The following DORIP1 variants were observed in gnomAD, a reference collection of about 807,000 sequenced individuals.
DORIP1 encodes dopamine receptor-interacting protein 1.
At chr14:44,899,063 T>G in the DORIP1 span, 1 of 152,194 alleles carries the variant, frequency 6.6e-6, no homozygotes, top group Non-Finnish European at 1.5e-5. Flanking sequence ...ACAATACTTC[T>G]CCATAAAAGT....
the DORIP1 span, chr14:44,897,310 C>G: frequency 6.5e-6 from 1 of 153,144 alleles, no homozygotes; most frequent in African/African-American, 2.4e-5. Flanking sequence ...TAATAAGAAG[C>G]GACGTGTCCC....
chr14:44,905,664 A>C, the DORIP1 span: 5 of 714,076 alleles, frequency 7.0e-6, no homozygotes, highest in Middle Eastern at 1.1e-3. Flanking sequence ...TACTAGTTTC[A>C]GAAGTGTATT....
the DORIP1 span, among the ~76,000 whole-genome samples, chr14:44,902,098 C>T: frequency 6.6e-6 from 1 of 152,216 alleles, no homozygotes. Context: ...GTTAAACTTA[C>T]ATTTCTCTGA....
the DORIP1 span, chr14:44,904,381 G>A: frequency 1.9e-6 from 3 of 1,607,076 alleles, no homozygotes; most frequent in Admixed American, 1.7e-5. Context: ...GTTCATGCCT[G>A]TTTTCTATTT....
chr14:44,899,062 C>A, the DORIP1 span: 1 of 152,152 alleles, frequency 6.6e-6, no homozygotes, highest in Non-Finnish European at 1.5e-5. Context: ...AACAATACTT[C>A]TCCATAAAAG....
chr14:44,900,275 G>A, the DORIP1 span: 19 of 544,766 alleles, frequency 3.5e-5, no homozygotes, highest in African/African-American at 2.6e-4. Flanking sequence ...TGCATAGTGC[G>A]CGAAAAGTGG....
the DORIP1 span, among the ~76,000 whole-genome samples, chr14:44,901,829 G>C: frequency 6.6e-6 from 1 of 152,220 alleles, no homozygotes; most frequent in African/African-American, 2.4e-5. Flanking sequence ...GGAGCCAGAT[G>C]AGTGTTTTTG....
At chr14:44,900,050 C>CG in the DORIP1 span, among the ~76,000 whole-genome samples, 1 of 151,946 alleles carries the variant, frequency 6.6e-6, no homozygotes, top group Non-Finnish European at 1.5e-5. Context: ...AGGCTGGTCT[C>CG]GAACGCCCGA....
the DORIP1 span, chr14:44,903,505 C>G: frequency 1.7e-6 from 2 of 1,159,094 alleles, no homozygotes; most frequent in African/African-American, 1.6e-5. Context: ...TCTTTTTTCC[C>G]CCCCCACTGC....
the DORIP1 span, among the ~76,000 whole-genome samples, chr14:44,901,448 A>AC: frequency 6.6e-6 from 1 of 152,258 alleles, no homozygotes; most frequent in Non-Finnish European, 1.5e-5. Flanking sequence ...CCCTGAAAAC[A>AC]GTGTTACAGC....
the DORIP1 span, chr14:44,903,170 T>G: frequency 7.1e-7 from 1 of 1,412,898 alleles, no homozygotes; most frequent in Non-Finnish European, 1.0e-6. Context: ...TATAAAATGT[T>G]GAAGCAGTTC....
At chr14:44,904,652 T>G in the DORIP1 span, 1 of 1,058,258 alleles carries the variant, frequency 9.4e-7, no homozygotes, top group Non-Finnish European at 1.3e-6. Flanking sequence ...TCTAAATTTA[T>G]GTATTCTGAA....
At chr14:44,901,065 C>A in the DORIP1 span, 2 of 1,080,360 alleles carry the variant, frequency 1.9e-6, no homozygotes, top group South Asian at 1.7e-5. Context: ...AACAAAGGAC[C>A]ACATATGCCA....
the DORIP1 span, chr14:44,904,119 T>A: frequency 1.0e-6 from 1 of 985,394 alleles, no homozygotes; most frequent in Non-Finnish European, 1.2e-6. Flanking sequence ...TTGTATCAGT[T>A]CTGCAGAGTT....
At chr14:44,906,481 T>C in the DORIP1 span, 2 of 152,438 alleles carry the variant, frequency 1.3e-5, no homozygotes, top group Admixed American at 6.6e-5. Context: ...ACTTAAAATT[T>C]TGAGTGATGT....
chr14:44,903,676 A>G, the DORIP1 span: 1 of 984,254 alleles, frequency 1.0e-6, no homozygotes, highest in African/African-American at 1.7e-5. Flanking sequence ...TATTCATCCC[A>G]ATCTCTTAAA....
chr14:44,906,963 G>C, the DORIP1 span: 1 of 152,012 alleles, frequency 6.6e-6, no homozygotes, highest in Non-Finnish European at 1.5e-5. Context: ...AGTTTCCCAA[G>C]TGTATCTGAT....
chr14:44,905,261 G>T, the DORIP1 span: 2 of 735,134 alleles, frequency 2.7e-6, no homozygotes, highest in South Asian at 3.4e-5. Context: ...TCAGGGAACA[G>T]AATACAAACA....
the DORIP1 span, chr14:44,904,814 A>ATG: frequency 3.9e-6 from 1 of 256,014 alleles, no homozygotes; most frequent in South Asian, 1.1e-4. Flanking sequence ...TTTACATGTC[A>ATG]GTTTTCTTAT....
Sources: gnomAD v4.1 joint callset for allele counts (sites outside exome capture counted in the v4.1 genomes callset) on GRCh38, gnomAD v4.1.1 for gene constraint, MANE v1.5 for transcripts, NCBI Gene and HGNC (gene_info 2026-07-23, HGNC 2026-07-21) for gene names.